ACVR1C: variants seen among roughly 807,000 people sequenced by gnomAD.
ACVR1C encodes activin receptor type-1C.
A neutral mutation model predicts 57.9 loss-of-function variants in ACVR1C; 23 were observed. The observed-to-expected ratio is 0.40, with a 90% confidence interval of 0.29 to 0.56. The LOEUF (loss-of-function observed/expected upper bound fraction) is 0.56, where lower values mean the gene tolerates loss of function less well. Ranked by LOEUF, ACVR1C falls within the 20% of genes least tolerant of loss-of-function variation. The pLI, the probability that ACVR1C is intolerant of heterozygous loss-of-function variation, is 0.50. For missense variants in ACVR1C, 480 were observed against 607.9 expected (o/e 0.79, Z 2.21); for synonymous variants, 214 against 215.3 (o/e 0.99, Z 0.05).
At chr2:157,562,778 A>C (rs768291957) in intron 2 of ACVR1C, among the ~76,000 whole-genome samples, 39 of 152,218 alleles carry the variant, frequency 2.6e-4, no homozygotes, top group Non-Finnish European at 4.4e-4. Flanking sequence ...ATCACGATCA[A>C]GTCGGCTTCA....
chr2:157,619,061 C>G (rs1273776022), intron 1 of ACVR1C, among the ~76,000 whole-genome samples: 1 of 151,786 alleles, frequency 6.6e-6, no homozygotes, highest in Non-Finnish European at 1.5e-5. Flanking sequence ...CTAAATGACA[C>G]TTACAGAACA....
At chr2:157,566,268 A>G (rs1256821705) in intron 2 of ACVR1C, among the ~76,000 whole-genome samples, 1 of 152,244 alleles carries the variant, frequency 6.6e-6, no homozygotes, top group East Asian at 1.9e-4. Flanking sequence ...GTACAGAGCT[A>G]TATTCACAGA....
intron 1 of ACVR1C, among the ~76,000 whole-genome samples, chr2:157,622,401 C>G (rs766111275): frequency 2.0e-5 from 3 of 152,122 alleles, no homozygotes; most frequent in Non-Finnish European, 4.4e-5. Flanking sequence ...CAGCATGGTA[C>G]TGACATAAAA....
At chr2:157,548,645 C>A (rs1020978076) in intron 4 of ACVR1C, among the ~76,000 whole-genome samples, 3 of 151,894 alleles carry the variant, frequency 2.0e-5, no homozygotes, top group South Asian at 2.1e-4. Flanking sequence ...ACTATCTGAT[C>A]TTTGACAAAC....
At chr2:157,584,456 T>C (rs949496592) in intron 2 of ACVR1C, among the ~76,000 whole-genome samples, 1 of 152,120 alleles carries the variant, frequency 6.6e-6, no homozygotes, top group South Asian at 2.1e-4. Context: ...TAGAGGAAGA[T>C]ACATAAATGA....
intron 1 of ACVR1C, among the ~76,000 whole-genome samples, chr2:157,610,725 T>C (rs1237340105): frequency 6.6e-6 from 1 of 152,154 alleles, no homozygotes. Context: ...AGTTTGTTCA[T>C]TCTTTTTTAT....
intron 2 of ACVR1C, among the ~76,000 whole-genome samples, chr2:157,585,836 C>T (rs535329628): frequency 5.3e-5 from 8 of 152,214 alleles, no homozygotes; most frequent in East Asian, 1.9e-4. Flanking sequence ...CTAAAATCCA[C>T]GACTGCAAGT....
chr2:157,587,376 T>A lies in ACVR1C; in HGVS notation c.115A>T (p.Thr39Ser). The A allele has an allele frequency of 6.2e-7, 1 of 1,613,494 alleles. No homozygotes were observed. Among genetic ancestry groups the A allele is most frequent in the Non-Finnish European group, 8.5e-7 (1 of 1,179,590 alleles). Reference protein sequence around the residue: ...VCLLCDSSNFTCQTEGACWAS... With the variant: ...VCLLCDSSNFSCQTEGACWAS... ...CAACATGCTCCTTCTGTTTGGCAGG[T>A]GAAGTTTGAAGAATCACACAAAAGA... Residue 39 changes from threonine to serine, a missense_variant, in exon 2 of 9, where the codon ACC becomes TCC. Transcript: ENST00000243349.
Position 157,556,337 on chromosome 2 carries a change from A to C in ACVR1C, c.305-5T>G. The C allele has an allele frequency of 2.5e-6, 4 of 1,612,672 alleles. No homozygotes were observed. The highest frequency in any genetic ancestry group is 1.1e-5 in the South Asian group (1 of 90,968). ...GTTTTGGGGCATTTGGTGATGCTAC[A>C]GTTTAAAGAAGAAAGAACATGACCA... On this transcript the variant is annotated splice_region_variant and splice_polypyrimidine_tract_variant and intron_variant, in intron 2 of 8. Coordinates refer to ENST00000243349, the MANE Select transcript of ACVR1C (RefSeq NM_145259.3).
At chr2:157,566,828 G>C (rs1339525224) in intron 2 of ACVR1C, among the ~76,000 whole-genome samples, 1 of 152,216 alleles carries the variant, frequency 6.6e-6, no homozygotes, top group African/African-American at 2.4e-5. Context: ...AAACAAAGCA[G>C]CCGGGAAGGG....
chr2:157,597,218 T>C (rs1682146814), intron 1 of ACVR1C: 1 of 459,280 alleles, frequency 2.2e-6, no homozygotes, highest in South Asian at 9.2e-5. Flanking sequence ...CGGCCCTGCA[T>C]GTGCATTAAC....
rs1687385703 is a variant in ACVR1C, at chr2:157,532,697, T to A, written c.*1221A>T. 1 of 152,170 alleles carries A rather than the reference T, an allele frequency of 6.6e-6. No individual in the cohort carries two copies. Among genetic ancestry groups the A allele is most frequent in the Non-Finnish European group, 1.5e-5 (1 of 68,012 alleles). The allele number at this position is 152,170 out of a possible 1,614,324, so 9.4% of individuals were successfully genotyped here. A position where few individuals can be genotyped will look rare whatever the true frequency, so the allele number is the denominator to read the frequency against. The stretch of plus-strand genomic sequence containing the variant: ...ATCATGAGCATTCTTCTGTACTCAC[T>A]CACTCACTGTGAAAGGGTAGAGGAA... On this transcript the variant is annotated 3_prime_UTR_variant, in exon 9 of 9. Transcript: ENST00000243349.
chr2:157,607,478 A>G (rs924457936), intron 1 of ACVR1C, among the ~76,000 whole-genome samples: 1 of 151,724 alleles, frequency 6.6e-6, no homozygotes, highest in Admixed American at 6.6e-5. Context: ...TATGAATTTT[A>G]GGATTTTTTT....
chr2:157,554,266 A>G (rs1328195869), intron 3 of ACVR1C, among the ~76,000 whole-genome samples: 2 of 140,996 alleles, frequency 1.4e-5, no homozygotes, highest in East Asian at 2.0e-4. Context: ...AAAGAAAGAA[A>G]GAAAGGAAGG....
chr2:157,574,893 A>C (rs1439143316), intron 2 of ACVR1C, among the ~76,000 whole-genome samples: 1 of 152,040 alleles, frequency 6.6e-6, no homozygotes, highest in Non-Finnish European at 1.5e-5. Context: ...AGCTGCTATA[A>C]CTCCAACCTT....
At chr2:157,562,833 G>T (rs573707567) in intron 2 of ACVR1C, among the ~76,000 whole-genome samples, 2 of 151,912 alleles carry the variant, frequency 1.3e-5, no homozygotes, top group East Asian at 3.9e-4. Context: ...ATCAATAAAT[G>T]TAATCCATCA....
At chr2:157,584,264 G>A (rs554663176) in intron 2 of ACVR1C, among the ~76,000 whole-genome samples, 1 of 151,766 alleles carries the variant, frequency 6.6e-6, no homozygotes, top group South Asian at 2.1e-4. Flanking sequence ...CACCATGCCC[G>A]GCTAATTTTT....
chr2:157,582,454 A>C (rs921466101), intron 2 of ACVR1C, among the ~76,000 whole-genome samples: 3 of 152,234 alleles, frequency 2.0e-5, no homozygotes, highest in African/African-American at 7.2e-5. Flanking sequence ...AGACTAAAAA[A>C]GAAAAATCAC....
chr2:157,555,438 C>G (rs1297859823), intron 3 of ACVR1C, among the ~76,000 whole-genome samples: 1 of 152,132 alleles, frequency 6.6e-6, no homozygotes, highest in Non-Finnish European at 1.5e-5. Flanking sequence ...AACGCTTTAC[C>G]TGGGGTTCTG....
Sources: allele counts gnomAD v4.1 joint callset (sites outside exome capture counted in the v4.1 genomes callset), GRCh38; gene constraint gnomAD v4.1.1; transcripts MANE v1.5; gene names NCBI Gene and HGNC (gene_info 2026-07-23, HGNC 2026-07-21).